Variants in ANKRD30BL observed in about 807,000 individuals in gnomAD.
ANKRD30BL encodes putative ankyrin repeat domain-containing protein 30B-like.
A neutral mutation model predicts 18.4 loss-of-function variants in ANKRD30BL; 20 were observed. The ratio of observed to expected loss-of-function variants is 1.09; its 90% CI spans 0.77 to 1.58. The LOEUF (loss-of-function observed/expected upper bound fraction) is 1.58, where lower values mean the gene tolerates loss of function less well. Among genes scored for constraint, ANKRD30BL ranks in the 40% most tolerant of loss-of-function variants. ANKRD30BL has a pLI of 0.00. For missense variants in ANKRD30BL, 224 were observed against 268.6 expected (o/e 0.83, Z 1.16); for synonymous variants, 72 against 100.9 (o/e 0.71, Z 1.72).
At position 132,157,044 on chromosome 2, in the gene ANKRD30BL, C is replaced by A. The variant is rs759414632; in HGVS notation, c.436G>T (p.Val146Phe). 2.5e-5 allele frequency: 34 copies of A among 1,382,194 alleles called. No individual in the cohort carries two copies. The highest frequency in any genetic ancestry group is 3.3e-5 in the Non-Finnish European group (33 of 997,614). The allele number at this position is 1,382,194 out of a possible 1,614,324, so 85.6% of individuals were successfully genotyped here. Residue 146 changes from valine (V) to phenylalanine (F), a missense_variant, in exon 3 of 6, where the codon GTT becomes TTT. Val to Phe is a conservative substitution (Grantham distance 50, BLOSUM62 -1). Coordinates refer to ENST00000409867, the MANE Select transcript of ANKRD30BL (RefSeq NM_001358416.1). The stretch of plus-strand genomic sequence containing the variant: ...ACCACTGACAAATTCTCACTGTTAA[C>A]AGCATAATGGACAGCTGTGTTGCCA... ...VYGNTAVHYAVNSENLSVVAK... is the reference protein window; with the variant it reads ...VYGNTAVHYAFNSENLSVVAK...
At chr2:132,198,307 TCTTTCTTTCTTTCTTTC>T (rs1558928523) in intron 1 of ANKRD30BL, among the ~76,000 whole-genome samples, 727 of 15,134 alleles carry the variant, frequency 0.048, 33 homozygotes, top group South Asian at 0.088. Context: ...TTTCTTTCTT[TCTTTCTTTCTTTCTTTC>T]TTTTTTTTTT....
At chr2:132,179,194 C>A (rs1688415531) in intron 1 of ANKRD30BL, among the ~76,000 whole-genome samples, 1 of 151,782 alleles carries the variant, frequency 6.6e-6, no homozygotes, top group Non-Finnish European at 1.5e-5. Flanking sequence ...GCTGCCAGGC[C>A]TCTAGCACAT....
chr2:132,210,249 G>A (rs36150727), intron 1 of ANKRD30BL, among the ~76,000 whole-genome samples: 1 of 151,466 alleles, frequency 6.6e-6, no homozygotes, highest in Non-Finnish European at 1.5e-5. Flanking sequence ...TGTGATGTGT[G>A]CATTCATGTC....
intron 1 of ANKRD30BL, chr2:132,257,170 G>A (rs544998244): frequency 6.8e-6 from 3 of 444,432 alleles, no homozygotes; most frequent in East Asian, 7.2e-5. Flanking sequence ...CACGTTGCTC[G>A]TTTCTCATCC....
At chr2:132,214,395 A>T (rs1443310673) in intron 1 of ANKRD30BL, among the ~76,000 whole-genome samples, 1 of 152,062 alleles carries the variant, frequency 6.6e-6, no homozygotes, top group African/African-American at 2.4e-5. Context: ...CGTCTCACAG[A>T]GTTGAACCTT....
chr2:132,179,859 A>G (rs1208755719), intron 1 of ANKRD30BL, among the ~76,000 whole-genome samples: 1 of 152,160 alleles, frequency 6.6e-6, no homozygotes, highest in East Asian at 1.9e-4. Context: ...GTTAAAAAGT[A>G]ACACAAAAAT....
intron 1 of ANKRD30BL, among the ~76,000 whole-genome samples, chr2:132,208,145 C>A (rs1418847473): frequency 6.6e-6 from 1 of 152,114 alleles, no homozygotes; most frequent in Non-Finnish European, 1.5e-5. Flanking sequence ...ATTGTAGATC[C>A]ACTTGTACTG....
intron 1 of ANKRD30BL, among the ~76,000 whole-genome samples, chr2:132,210,490 C>A (rs1261655887): frequency 6.6e-6 from 1 of 151,974 alleles, no homozygotes; most frequent in African/African-American, 2.4e-5. Flanking sequence ...GTAAAATCTG[C>A]AAGTGGATAT....
chr2:132,227,989 T>G (rs1355955161), intron 1 of ANKRD30BL, among the ~76,000 whole-genome samples: 1 of 152,160 alleles, frequency 6.6e-6, no homozygotes, highest in African/African-American at 2.4e-5. Flanking sequence ...CTCACAGGGT[T>G]AACTCTTACT....
chr2:132,213,864 T>C (rs570115239), intron 1 of ANKRD30BL, among the ~76,000 whole-genome samples: 1 of 152,240 alleles, frequency 6.6e-6, no homozygotes, highest in East Asian at 1.9e-4. Context: ...CTTTCTGATG[T>C]GTGCATTCAT....
intron 1 of ANKRD30BL, among the ~76,000 whole-genome samples, chr2:132,243,676 A>G (rs1464026047): frequency 6.6e-6 from 1 of 151,628 alleles, no homozygotes; most frequent in Non-Finnish European, 1.5e-5. Flanking sequence ...CTCTTTTTGT[A>G]GAATGTGCAA....
At chr2:132,215,725 G>C (rs928152177) in intron 1 of ANKRD30BL, among the ~76,000 whole-genome samples, 104 of 151,854 alleles carry the variant, frequency 6.8e-4, no homozygotes, top group African/African-American at 2.4e-3. Context: ...GAAGCATTCT[G>C]ACAAATTCTT....
chr2:132,214,364 C>T (rs1395162396), intron 1 of ANKRD30BL, among the ~76,000 whole-genome samples: 12 of 151,844 alleles, frequency 7.9e-5, no homozygotes, highest in Admixed American at 1.3e-4. Flanking sequence ...TTCTGAGAAA[C>T]TTGTTTGTGA....
intron 1 of ANKRD30BL, among the ~76,000 whole-genome samples, chr2:132,209,554 T>TC (rs1273818292): frequency 1.3e-5 from 2 of 152,194 alleles, no homozygotes; most frequent in Non-Finnish European, 2.9e-5. Flanking sequence ...AGAAACTTCT[T>TC]TGTGATGTGT....
At chr2:132,161,067 TTAATA>T (rs1330771936) in intron 1 of ANKRD30BL, among the ~76,000 whole-genome samples, 1 of 130,464 alleles carries the variant, frequency 7.7e-6, no homozygotes, top group Non-Finnish European at 1.6e-5. Flanking sequence ...AGCCAAGAAG[TTAATA>T]TATTATGGGA....
chr2:132,207,838 C>A (rs1291100194), intron 1 of ANKRD30BL, among the ~76,000 whole-genome samples: 3 of 152,034 alleles, frequency 2.0e-5, no homozygotes, highest in Non-Finnish European at 4.4e-5. Context: ...GAGAAGGCAA[C>A]GTGGCATACA....
At chr2:132,224,733 C>A (rs907354363) in intron 1 of ANKRD30BL, among the ~76,000 whole-genome samples, 45 of 151,810 alleles carry the variant, frequency 3.0e-4, no homozygotes, top group African/African-American at 1.1e-3. Context: ...TTTCATAGAT[C>A]ACTTTTGATA....
At chr2:132,183,700 T>A (rs989617124) in intron 1 of ANKRD30BL, among the ~76,000 whole-genome samples, 4 of 152,072 alleles carry the variant, frequency 2.6e-5, no homozygotes, top group Non-Finnish European at 4.4e-5. Flanking sequence ...TGTGTATATA[T>A]GTGTATACGT....
upstream of ANKRD30BL, chr2:132,161,965 T>C (rs1359130151): frequency 5.4e-6 from 2 of 372,226 alleles, no homozygotes; most frequent in East Asian, 1.1e-4. Context: ...CAACAGCGCA[T>C]GCGCAACTCA....
Sources: gnomAD v4.1 joint callset for allele counts (sites outside exome capture counted in the v4.1 genomes callset) on GRCh38, gnomAD v4.1.1 for gene constraint, MANE v1.5 for transcripts, NCBI Gene and HGNC (gene_info 2026-07-23, HGNC 2026-07-21) for gene names.